GUCY1A1: variants seen among roughly 807,000 people sequenced by gnomAD.
GUCY1A1 encodes guanylate cyclase soluble subunit alpha-1.
Under a neutral mutation model 64.5 loss-of-function variants are expected in GUCY1A1, and 48 were observed. The observed-to-expected ratio is 0.74, with a 90% CI of 0.59 to 0.95. The LOEUF is 0.95. Ranked by LOEUF, GUCY1A1 falls within the 40% of genes least tolerant of loss-of-function variation. The pLI, the probability that GUCY1A1 is intolerant of heterozygous loss-of-function variation, is 0.00. For missense variants in GUCY1A1, 804 were observed against 825.3 expected, an observed-to-expected ratio of 0.97 and a Z score of 0.32; for synonymous variants, 308 against 303.4, an observed-to-expected ratio of 1.02 and a Z score of -0.16.
intron 2 of GUCY1A1, among the ~76,000 whole-genome samples, chr4:155,685,057 G>A (rs1728801431): frequency 6.6e-6 from 1 of 152,164 alleles, no homozygotes; most frequent in South Asian, 2.1e-4. Context: ...CTCCACAGCA[G>A]GAGCTCTGTA....
chr4:155,677,459 G>C (rs1735113249), intron 2 of GUCY1A1, among the ~76,000 whole-genome samples: 1 of 152,190 alleles, frequency 6.6e-6, no homozygotes, highest in Non-Finnish European at 1.5e-5. Context: ...GTATTGGATA[G>C]CTATAAGCTC....
rs184770063 is a variant in GUCY1A1 at position 155,686,341 on chromosome 4, C to T, written c.-112-10415C>T. On this transcript the variant is annotated intron_variant, in intron 2 of 9. Coordinates refer to ENST00000506455, the MANE Select transcript of GUCY1A1 (RefSeq NM_001130682.3). Reference sequence around the variant, plus strand: ...AATACAAAAAAAAAAATTAGCCGGGCGTGGTGGCGTGCGCCTGTTGTCCCA... The same window carrying T: ...AATACAAAAAAAAAAATTAGCCGGGTGTGGTGGCGTGCGCCTGTTGTCCCA... Among the ~76,000 whole-genome samples, 1,134 of 152,096 alleles carry T rather than the reference C, an allele frequency of 7.5e-3. 42 individuals carry two copies. The highest frequency in any genetic ancestry group is 0.062 in the Admixed American group (953 of 15,284).
At position 155,674,283 on chromosome 4, in the gene GUCY1A1, G is replaced by A. The variant is rs200182792; in HGVS notation, c.-113+6864G>A. Among the ~76,000 whole-genome samples the A allele has an allele frequency of 2.6e-5, 4 of 151,094 alleles. No homozygotes were observed. In the East Asian group the frequency reaches 7.7e-4, roughly 29 times the overall value. On this transcript the variant is annotated intron_variant, in intron 2 of 9. Transcript: ENST00000506455. ...CGCAGAGAATTGCTTGAACCCAGGA[G>A]GTGGAGTTTGCAGTGAGCCAAGATT... is the stretch of plus-strand genomic sequence containing the variant.
At chr4:155,717,348 G>A (rs1192475679) in intron 8 of GUCY1A1, 46 bp downstream of exon 8, 3 of 1,399,526 alleles carry the variant, frequency 2.1e-6, no homozygotes, top group South Asian at 1.6e-5. Flanking sequence ...AAGAGCAAAT[G>A]CGTATAGTTG....
intron 4 of GUCY1A1, among the ~76,000 whole-genome samples, chr4:155,704,766 G>C (rs1731516633): frequency 6.6e-6 from 1 of 151,886 alleles, no homozygotes; most frequent in African/African-American, 2.4e-5. Context: ...CATCCAGGCT[G>C]AATGCAGTGG....
intron 2 of GUCY1A1, among the ~76,000 whole-genome samples, chr4:155,678,665 A>G (rs1735288606): frequency 6.6e-6 from 1 of 152,234 alleles, no homozygotes; most frequent in Admixed American, 6.5e-5. Flanking sequence ...TATGGTAATT[A>G]CTATGGTAAC....
intron 8 of GUCY1A1, among the ~76,000 whole-genome samples, chr4:155,718,970 T>C (rs1007239913): frequency 4.6e-5 from 7 of 152,190 alleles, no homozygotes; most frequent in Non-Finnish European, 1.0e-4. Flanking sequence ...ATATATTTCT[T>C]TCTCTTTCTA....
At position 155,730,054 on chromosome 4, in the gene GUCY1A1, C is replaced by T. The variant is rs184271525; in HGVS notation, c.1896C>T (p.Phe632=). Residue 632 remains phenylalanine (F), a synonymous_variant, in exon 10 of 10, where the codon TTC becomes TTT. Coordinates refer to ENST00000506455, the MANE Select transcript of GUCY1A1 (RefSeq NM_001130682.3). ...GATTACTCAAAGACTGTCCTGGTTT[C>T]GTGTTTACCCCTCGATCAAGGGAGG... The part of the protein sequence containing the change: ...TYRLLKDCPG[F]VFTPRSREEL... 248 of 1,605,996 alleles carry T rather than the reference C, an allele frequency of 1.5e-4. 2 individuals are homozygous for T. In the East Asian group the frequency reaches 1.6e-3, roughly 10 times the overall value.
intron 9 of GUCY1A1, among the ~76,000 whole-genome samples, chr4:155,727,438 C>T (rs1304518157): frequency 6.6e-6 from 1 of 151,680 alleles, no homozygotes; most frequent in Non-Finnish European, 1.5e-5. Flanking sequence ...TAGAGCAATG[C>T]CCTTAATAAA....
At position 155,675,922 on chromosome 4, in the gene GUCY1A1, ATCACAAGGCCACCT is replaced by A. The variant is rs535652476; in HGVS notation, c.-113+8506_-113+8519del. ...AGCAAGAAAGTTGTATATGAGGGAT[ATCACAAGGCCACCT>A]TCCACAAAAATTGCTCTCCCACTTG... On this transcript the variant is annotated intron_variant, in intron 2 of 9. Coordinates refer to ENST00000506455, the MANE Select transcript of GUCY1A1 (RefSeq NM_001130682.3). Among the ~76,000 whole-genome samples, 271 of 151,574 alleles carry A rather than the reference ATCACAAGGCCACCT, an allele frequency of 1.8e-3. 12 individuals carry two copies. Among genetic ancestry groups the A allele is most frequent in the African/African-American group, 6.5e-3 (264 of 40,868 alleles).
intron 3 of GUCY1A1, among the ~76,000 whole-genome samples, chr4:155,701,903 T>C (rs551014258): frequency 2.6e-5 from 4 of 152,292 alleles, no homozygotes; most frequent in South Asian, 2.1e-4. Context: ...CTAAATTTGT[T>C]TGTAAACAAG....
At position 155,713,128 on chromosome 4, in the gene GUCY1A1, AT is replaced by A. The variant is rs748781354; in HGVS notation, c.1119del (p.Ile373MetfsTer18). The A allele has an allele frequency of 8.7e-6, 14 of 1,613,256 alleles. No individual in the cohort carries two copies. The highest frequency in any genetic ancestry group is 1.2e-5 in the Non-Finnish European group (14 of 1,179,480). On this transcript the variant is annotated frameshift_variant, in exon 7 of 10. Transcript: ENST00000506455. LOFTEE classifies it high-confidence loss of function. Reference protein sequence around the residue: ...VMDLKGQMIYIVESSAILFLG... With the variant: ...VMDLKGQMIYXVESSAILFLG... ...GGACCTCAAAGGCCAAATGATCTAC[AT>A]TGTTGAATCCAGTGCAATCTTGTTT...
chr4:155,693,818 T>C (rs1730069533), intron 2 of GUCY1A1, among the ~76,000 whole-genome samples: 1 of 152,158 alleles, frequency 6.6e-6, no homozygotes, highest in African/African-American at 2.4e-5. Context: ...TGGTCAATTG[T>C]ATTCTACTGC....
chr4:155,672,366 T>C (rs563685791), intron 2 of GUCY1A1, among the ~76,000 whole-genome samples: 2 of 152,186 alleles, frequency 1.3e-5, no homozygotes, highest in Non-Finnish European at 2.9e-5. Context: ...TCCTTTACGT[T>C]AGACTCCTGC....
At chr4:155,693,041 A>T in intron 2 of GUCY1A1, among the ~76,000 whole-genome samples, 1 of 152,090 alleles carries the variant, frequency 6.6e-6, no homozygotes, top group East Asian at 1.9e-4. Context: ...CCTGGATGAC[A>T]GAGTGAGACT....
chr4:155,710,201 A>G (rs1487497016), intron 5 of GUCY1A1, among the ~76,000 whole-genome samples: 2 of 152,212 alleles, frequency 1.3e-5, no homozygotes, highest in Non-Finnish European at 2.9e-5. Context: ...TTTTGTTGTT[A>G]ACAGAAAGAT....
chr4:155,726,678 A>T (rs1734722335), intron 9 of GUCY1A1, among the ~76,000 whole-genome samples: 1 of 152,018 alleles, frequency 6.6e-6, no homozygotes. Flanking sequence ...TCCAAATTCT[A>T]ATCAGTGATT....
At chr4:155,672,363 C>T (rs1016482696) in intron 2 of GUCY1A1, among the ~76,000 whole-genome samples, 5 of 152,150 alleles carry the variant, frequency 3.3e-5, no homozygotes, top group African/African-American at 7.2e-5. Flanking sequence ...CCGTCCTTTA[C>T]GTTAGACTCC....
rs1326176062 is a variant in GUCY1A1, at chr4:155,732,044, A to G, written c.*1813A>G. ...ATGTAAATACATTTTTCTTTCTGGA[A>G]CCGAACTCTTATTATGGGGAAATAA... On this transcript the variant is annotated 3_prime_UTR_variant, in exon 10 of 10. Transcript: ENST00000506455. The G allele has an allele frequency of 6.6e-6, 1 of 151,822 alleles. No individual in the cohort carries two copies. Among genetic ancestry groups the G allele is most frequent in the Non-Finnish European group, 1.5e-5 (1 of 67,852 alleles). 9.4% of individuals were successfully genotyped at this position (151,822 alleles called of 1,614,324 possible).
Sources: gnomAD v4.1 joint callset for allele counts (sites outside exome capture counted in the v4.1 genomes callset) on GRCh38, gnomAD v4.1.1 for gene constraint, MANE v1.5 for transcripts, NCBI Gene and HGNC (gene_info 2026-07-23, HGNC 2026-07-21) for gene names.